Variants in A4GNT observed in about 807,000 individuals in gnomAD.
A4GNT encodes alpha-1,4-N-acetylglucosaminyltransferase.
Under a neutral mutation model 8.3 loss-of-function variants are expected in A4GNT, and 6 were observed. The observed-to-expected ratio is 0.72, with a 90% CI of 0.39 to 1.42. The LOEUF (loss-of-function observed/expected upper bound fraction) is 1.42, where lower values mean the gene tolerates loss of function less well. Among genes scored for constraint, A4GNT ranks in the 40% most tolerant of loss-of-function variants. The probability of loss-of-function intolerance (pLI) is 0.02; values close to 1 mark genes in which losing one functional copy is unlikely to be tolerated. For missense variants in A4GNT, 377 were observed against 417.0 expected, an observed-to-expected ratio of 0.90 and a Z score of 0.84; for synonymous variants, 157 against 159.8, an observed-to-expected ratio of 0.98 and a Z score of 0.13.
chr3:138,127,594 A>AAG (rs1295049822), intron 2 of A4GNT, among the ~76,000 whole-genome samples: 1 of 151,774 alleles, frequency 6.6e-6, no homozygotes, highest in African/African-American at 2.4e-5. Flanking sequence ...AAAACAAAAA[A>AAG]CATAAGCGCT....
At chr3:138,129,677 C>T (rs909825711) in intron 2 of A4GNT, among the ~76,000 whole-genome samples, 2 of 152,146 alleles carry the variant, frequency 1.3e-5, no homozygotes, top group Non-Finnish European at 2.9e-5. Flanking sequence ...CCTTAGCCCA[C>T]AAGGCCGAAA....
At chr3:138,131,387 T>C in intron 1 of A4GNT, 105 bp from the exon 2 acceptor site, 1 of 943,352 alleles carries the variant, frequency 1.1e-6, no homozygotes, top group Non-Finnish European at 1.5e-6. Flanking sequence ...AAATTTTAAA[T>C]ATCCTAAATA....
chr3:138,130,222 T>A (rs2107887777), intron 2 of A4GNT, among the ~76,000 whole-genome samples: 1 of 152,306 alleles, frequency 6.6e-6, no homozygotes, highest in South Asian at 2.1e-4. Context: ...TTTTAAAAAA[T>A]TATAGTTAAA....
chr3:138,133,056 A>G (rs181560789), upstream of A4GNT, among the ~76,000 whole-genome samples: 1 of 152,314 alleles, frequency 6.6e-6, no homozygotes, highest in East Asian at 1.9e-4. Flanking sequence ...GCTCTTAGCA[A>G]TCTTCTTTGG....
At position 138,124,334 on chromosome 3, in the gene A4GNT, C is replaced by T; in HGVS notation, c.953G>A (p.Arg318Lys). ...GCCTTTAATCAGGTCCCTGTAAGTC[C>T]TGGGACAGTGCTTGCGATAGAGATT... The part of the protein sequence containing the change: ...VENLYRKHCP[R>K]TYRDLIKGPE... The change falls in exon 3 of 3, where the codon AGG (arginine) becomes AAG (lysine). Residue 318 changes from arginine to lysine, a missense_variant. By Grantham distance (26) the Arg-to-Lys change is conservative. Transcript: ENST00000236709. The T allele has an allele frequency of 6.2e-7, 1 of 1,614,206 alleles. No homozygotes were observed. The highest frequency in any genetic ancestry group is 2.2e-5 in the East Asian group (1 of 44,886).
In A4GNT at chr3:138,124,190, G is replaced by A. The variant is rs975374495; in HGVS notation, c.*74C>T. 5 of 1,544,786 alleles carry A rather than the reference G, an allele frequency of 3.2e-6. No homozygotes were observed. Among genetic ancestry groups the A allele is most frequent in the East Asian group, 2.3e-5 (1 of 44,296 alleles). ...CTGCCCACCCCGCCAAGAGACAGTG[G>A]AGATCAAGTGAAAATGTGGCACTCC... On this transcript the variant is annotated 3_prime_UTR_variant, in exon 3 of 3. Transcript: ENST00000236709.
rs1253006687 is a variant in A4GNT, at chr3:138,124,849, G to A, written c.438C>T (p.Leu146=). Residue 146 remains leucine, a synonymous_variant, in exon 3 of 3, where the codon CTC becomes CTT. Coordinates refer to ENST00000236709, the MANE Select transcript of A4GNT (RefSeq NM_016161.3). ...GGCGGGATGCATCCGAGCTGATGTGGAGCCAGTTTCTCTCTGCGCTGGCGT... is the reference window on the plus strand; with the variant it reads ...GGCGGGATGCATCCGAGCTGATGTGAAGCCAGTTTCTCTCTGCGCTGGCGT... ...QINASAERNW[L]HISSDASRLA... 2.5e-6 allele frequency: 4 copies of A among 1,612,682 alleles called. No homozygotes were observed. The highest frequency in any genetic ancestry group is 3.4e-6 in the Non-Finnish European group (4 of 1,179,600).
chr3:138,131,311 C>A, intron 1 of A4GNT, 29 bp from the exon 2 acceptor site: 1 of 1,422,106 alleles, frequency 7.0e-7, no homozygotes, highest in South Asian at 1.9e-5. Context: ...AATTAAAAAT[C>A]ACAGCTGCAA....
intron 2 of A4GNT, among the ~76,000 whole-genome samples, chr3:138,127,914 G>C (rs2042755409): frequency 1.3e-5 from 2 of 152,168 alleles, no homozygotes; most frequent in South Asian, 4.1e-4. Context: ...GGCTCAGATG[G>C]AGCAAACACT....
chr3:138,131,083 T>C lies in A4GNT; in HGVS notation c.174A>G (p.Ser58=). ...CCAAATGGGGTGGCTCCATTCTCTC[T>C]GAGGTCTCTAGAAACACAATGCCAC... ...HRRGIVFLET[S]ERMEPPHLVS... Residue 58 remains serine, a synonymous_variant, in exon 2 of 3, where the codon TCA becomes TCG. Coordinates refer to ENST00000236709, the MANE Select transcript of A4GNT (RefSeq NM_016161.3). 1 of 1,613,620 alleles carries C rather than the reference T, an allele frequency of 6.2e-7. No individual in the cohort carries two copies. Among genetic ancestry groups the C allele is most frequent in the Non-Finnish European group, 8.5e-7 (1 of 1,179,614 alleles).
chr3:138,127,555 C>A (rs761213136), intron 2 of A4GNT, among the ~76,000 whole-genome samples: 20 of 147,728 alleles, frequency 1.4e-4, no homozygotes, highest in Admixed American at 2.7e-4. Context: ...GCCTGTGCGA[C>A]AGAGCAAGAC....
chr3:138,129,673 C>T (rs1221079946), intron 2 of A4GNT, among the ~76,000 whole-genome samples: 1 of 152,168 alleles, frequency 6.6e-6, no homozygotes, highest in African/African-American at 2.4e-5. Flanking sequence ...ACCACCTTAG[C>T]CCACAAGGCC....
upstream of A4GNT, among the ~76,000 whole-genome samples, chr3:138,133,219 A>G (rs2042788206): frequency 6.6e-6 from 1 of 152,140 alleles, no homozygotes; most frequent in African/African-American, 2.4e-5. Flanking sequence ...AAGCTGCCCC[A>G]CTCATTGATG....
At chr3:138,132,734 A>G (rs946960760), upstream of A4GNT, among the ~76,000 whole-genome samples, 1 of 152,212 alleles carries the variant, frequency 6.6e-6, no homozygotes, top group African/African-American at 2.4e-5. Flanking sequence ...GAGACCCTGT[A>G]AGGTGGTACA....
At chr3:138,130,712 T>C in intron 2 of A4GNT, 137 bp downstream of exon 2, 1 of 863,578 alleles carries the variant, frequency 1.2e-6, no homozygotes, top group Non-Finnish European at 1.8e-6. Context: ...TTGAATCAGT[T>C]CTCAACATGG....
chr3:138,133,002 G>A (rs1391228679), upstream of A4GNT, among the ~76,000 whole-genome samples: 1 of 152,186 alleles, frequency 6.6e-6, no homozygotes, highest in Non-Finnish European at 1.5e-5. Context: ...TTCCCAAGGT[G>A]TTAGCACTCA....
rs1264931031 is a variant in A4GNT, at chr3:138,132,212, C to A, written c.-27G>T. On this transcript the variant is annotated splice_region_variant and 5_prime_UTR_variant, in exon 1 of 3. In the 5' UTR this introduces an upstream ATG that the reference lacks. Coordinates refer to ENST00000236709, the MANE Select transcript of A4GNT (RefSeq NM_016161.3). ...CAAAGTCCAGGCTCTGAACCGTTAC[C>A]TGCAGTGCTTTCCTCACCAAAAATG... 1.3e-5 allele frequency: 2 copies of A among 152,204 alleles called. No individual in the cohort carries two copies. The highest frequency in any genetic ancestry group is 2.9e-5 in the Non-Finnish European group (2 of 68,032). 9.4% of individuals were successfully genotyped at this position (152,204 alleles called of 1,614,324 possible).
chr3:138,132,440 TCAA>T (rs1310455140), upstream of A4GNT: 1 of 152,172 alleles, frequency 6.6e-6, no homozygotes, highest in Admixed American at 6.5e-5. Context: ...ATCTTCCAAC[TCAA>T]CAACACAGGG....
Position 138,124,857 on chromosome 3 carries a change from T to A in A4GNT, c.430A>T (p.Asn144Tyr). 6.2e-7 allele frequency: 1 copy of A among 1,612,350 alleles called. No individual in the cohort carries two copies. The highest frequency in any genetic ancestry group is 2.2e-5 in the East Asian group (1 of 44,846). Residue 144 changes from asparagine (N) to tyrosine (Y), a missense_variant, in exon 3 of 3, where the codon AAC becomes TAC. Asn to Tyr is a moderately radical substitution (Grantham distance 143, BLOSUM62 -2). Coordinates refer to ENST00000236709, the MANE Select transcript of A4GNT (RefSeq NM_016161.3). ...GCATCCGAGCTGATGTGGAGCCAGT[T>A]TCTCTCTGCGCTGGCGTTGATCTGC... ...YNQINASAER[N>Y]WLHISSDASR...
Sources: gnomAD v4.1 joint callset for allele counts (sites outside exome capture counted in the v4.1 genomes callset) on GRCh38, gnomAD v4.1.1 for gene constraint, MANE v1.5 for transcripts, NCBI Gene and HGNC (gene_info 2026-07-23, HGNC 2026-07-21) for gene names.